The following PDE1C variants were observed in gnomAD, a reference collection of about 807,000 sequenced individuals.
PDE1C encodes the protein dual specificity calcium/calmodulin-dependent 3',5'-cyclic nucleotide phosphodiesterase 1C.
Under a neutral mutation model 93.1 loss-of-function variants are expected in PDE1C, and 62 were observed. The observed-to-expected ratio is 0.67, with a 90% CI of 0.54 to 0.82. The LOEUF is 0.82. PDE1C is among the 40% of genes least tolerant of loss of function. PDE1C has a pLI of 0.00. For synonymous variants in PDE1C, 325 were observed against 310.1 expected (o/e 1.05, Z -0.50); for missense variants, 742 against 884.6 (o/e 0.84, Z 2.04).
intron 2 of PDE1C, chr7:31,941,273 C>A: frequency 6.4e-6 from 1 of 157,342 alleles, no homozygotes. Context: ...CTGGAGGGAC[C>A]TGTTCACCAA....
chr7:32,249,221 G>T (rs1454944500), intron 1 of PDE1C, among the ~76,000 whole-genome samples: 1 of 151,960 alleles, frequency 6.6e-6, no homozygotes, highest in African/African-American at 2.4e-5. Flanking sequence ...AGATTCTAAG[G>T]TTCTGCAATC....
At chr7:31,876,470 G>C (rs1037961382) in intron 5 of PDE1C, among the ~76,000 whole-genome samples, 1 of 152,072 alleles carries the variant, frequency 6.6e-6, no homozygotes, top group Non-Finnish European at 1.5e-5. Flanking sequence ...CTTCAATTTG[G>C]ATAGAAAAGA....
intron 1 of PDE1C, among the ~76,000 whole-genome samples, chr7:32,368,165 G>C (rs1190434931): frequency 6.6e-6 from 1 of 151,970 alleles, no homozygotes; most frequent in Non-Finnish European, 1.5e-5. Context: ...AGAAACAAAG[G>C]GCATTCAAAT....
intron 1 of PDE1C, among the ~76,000 whole-genome samples, chr7:32,369,679 C>T (rs898063440): frequency 1.3e-5 from 2 of 152,180 alleles, no homozygotes; most frequent in African/African-American, 4.8e-5. Flanking sequence ...AAAGAGACTT[C>T]TGTGCCCCCA....
At chr7:32,300,294 A>T (rs1230208876), upstream of PDE1C, among the ~76,000 whole-genome samples, 1 of 152,236 alleles carries the variant, frequency 6.6e-6, no homozygotes, top group Non-Finnish European at 1.5e-5. Context: ...AAATTCTCTC[A>T]GGAAAGACCT....
At chr7:31,639,776 T>A in the PDE1C span, among the ~76,000 whole-genome samples, 1 of 152,114 alleles carries the variant, frequency 6.6e-6, no homozygotes, top group African/African-American at 2.4e-5. Flanking sequence ...GACCTCGTGA[T>A]CTGCCTGCCT....
chr7:32,229,163 A>T (rs77393425), intron 1 of PDE1C, among the ~76,000 whole-genome samples: 1 of 152,192 alleles, frequency 6.6e-6, no homozygotes, highest in Non-Finnish European at 1.5e-5. Context: ...ACTTCTCTAT[A>T]TGAGTCCTGG....
rs1329923792 is a variant in PDE1C, at chr7:31,837,256, T to C, written c.1127A>G (p.Asp376Gly). 5.6e-6 allele frequency: 9 copies of C among 1,613,782 alleles called. No individual in the cohort carries two copies. The highest frequency in any genetic ancestry group is 6.8e-6 in the Non-Finnish European group (8 of 1,179,840). Residue 376 changes from aspartate (D) to glycine (G), a missense_variant, in exon 11 of 18, where the codon GAT becomes GGT. Coordinates refer to ENST00000396191, the MANE Select transcript of PDE1C (RefSeq NM_001191057.4). ...CCATGCTTTTGCTGGATGGCTAATA[T>C]CTGCTGTATGCAGCATAAGGGATAA... ...KALSLMLHTA[D>G]ISHPAKAWDL...
intron 3 of PDE1C, among the ~76,000 whole-genome samples, chr7:32,091,439 T>C (rs560256553): frequency 1.3e-5 from 2 of 152,230 alleles, no homozygotes; most frequent in East Asian, 1.9e-4. Context: ...GAAGGACACA[T>C]TGCAATATTC....
chr7:32,308,906 T>C (rs1200113870), intron 1 of PDE1C, among the ~76,000 whole-genome samples: 2 of 151,554 alleles, frequency 1.3e-5, no homozygotes, highest in Non-Finnish European at 2.9e-5. Context: ...GGAGAATGAC[T>C]TTGACGAGTT....
At chr7:32,079,403 A>T (rs1157346997) in intron 3 of PDE1C, among the ~76,000 whole-genome samples, 1 of 152,244 alleles carries the variant, frequency 6.6e-6, no homozygotes, top group Non-Finnish European at 1.5e-5. Flanking sequence ...AATATGATTT[A>T]TTTATAAATA....
At chr7:32,070,212 G>A (rs1049181950) in intron 1 of PDE1C, 81 bp downstream of exon 1, 36 of 1,596,420 alleles carry the variant, frequency 2.3e-5, no homozygotes, top group Non-Finnish European at 2.9e-5. Context: ...GGAACAGGGT[G>A]AGCAGTCGTG....
At chr7:31,717,896 T>A in the PDE1C span, among the ~76,000 whole-genome samples, 1 of 151,724 alleles carries the variant, frequency 6.6e-6, no homozygotes, top group African/African-American at 2.4e-5. Context: ...GACGTCAGAG[T>A]CTTCAAAACT....
intron 16 of PDE1C, chr7:31,786,030 T>C (rs1158678905): frequency 1.3e-5 from 2 of 152,252 alleles, no homozygotes; most frequent in Middle Eastern, 3.2e-3. Flanking sequence ...ATAACATCAT[T>C]ATTGCAACAT....
intron 2 of PDE1C, among the ~76,000 whole-genome samples, chr7:32,035,881 T>A (rs1400826201): frequency 6.6e-6 from 1 of 152,206 alleles, no homozygotes; most frequent in African/African-American, 2.4e-5. Context: ...ATCCCATGTT[T>A]CAGCTTTAAC....
At chr7:31,672,289 T>C in the PDE1C span, among the ~76,000 whole-genome samples, 1 of 152,198 alleles carries the variant, frequency 6.6e-6, no homozygotes, top group African/African-American at 2.4e-5. Flanking sequence ...ATTATGGATG[T>C]TGTTTCATGG....
At chr7:32,225,896 A>G (rs192016798) in intron 1 of PDE1C, among the ~76,000 whole-genome samples, 1 of 152,178 alleles carries the variant, frequency 6.6e-6, no homozygotes, top group East Asian at 1.9e-4. Flanking sequence ...TGTCTCTACT[A>G]AAAATACAAA....
intron 1 of PDE1C, among the ~76,000 whole-genome samples, chr7:32,414,287 A>G (rs1383268575): frequency 1.3e-5 from 2 of 152,106 alleles, no homozygotes; most frequent in Non-Finnish European, 2.9e-5. Flanking sequence ...CCTACACAGA[A>G]CACTCATTAA....
At chr7:32,050,603 T>C (rs1182994542) in intron 2 of PDE1C, among the ~76,000 whole-genome samples, 1 of 152,052 alleles carries the variant, frequency 6.6e-6, no homozygotes, top group Admixed American at 6.6e-5. Context: ...TATGAAAAAA[T>C]ATCATACACT....
Sources: allele counts gnomAD v4.1 joint callset (sites outside exome capture counted in the v4.1 genomes callset), GRCh38; gene constraint gnomAD v4.1.1; transcripts MANE v1.5; gene names NCBI Gene and HGNC (gene_info 2026-07-23, HGNC 2026-07-21).